The following RHBDD1 variants were observed in gnomAD, a reference collection of about 807,000 sequenced individuals.
RHBDD1 encodes the protein rhomboid domain containing 1.
Under a neutral mutation model 36.3 loss-of-function variants are expected in RHBDD1, and 38 were observed. The observed-to-expected ratio is 1.05, with a 90% confidence interval of 0.81 to 1.37. RHBDD1 has a LOEUF of 1.37. Among genes scored for constraint, RHBDD1 ranks in the 40% most tolerant of loss-of-function variants. The probability of loss-of-function intolerance (pLI) is 0.00; values close to 1 mark genes in which losing one functional copy is unlikely to be tolerated. For missense variants in RHBDD1, 393 were observed against 377.6 expected (o/e 1.04, Z -0.34); for synonymous variants, 151 against 136.5 (o/e 1.11, Z -0.74).
intron 8 of RHBDD1, among the ~76,000 whole-genome samples, chr2:226,947,619 G>T (rs1951076416): frequency 6.6e-6 from 1 of 152,112 alleles, no homozygotes; most frequent in Middle Eastern, 3.4e-3. Context: ...CTTTAAAGTA[G>T]TTTTTTCCAA....
intron 8 of RHBDD1, chr2:226,988,821 G>C (rs1957565242): frequency 1.7e-6 from 1 of 584,664 alleles, no homozygotes; most frequent in Non-Finnish European, 2.2e-6. Flanking sequence ...TAACTACCAA[G>C]GCTGACTTTT....
the RHBDD1 span, among the ~76,000 whole-genome samples, chr2:226,821,421 ATT>A: frequency 2.6e-5 from 4 of 152,064 alleles, no homozygotes; most frequent in Non-Finnish European, 5.9e-5. Flanking sequence ...GTCCACAGTC[ATT>A]GACTTTGTTG....
chr2:226,888,815 A>G (rs79506854), intron 5 of RHBDD1, among the ~76,000 whole-genome samples: 1 of 152,188 alleles, frequency 6.6e-6, no homozygotes, highest in Non-Finnish European at 1.5e-5. Flanking sequence ...GGTATTTTAC[A>G]TGAATAACAA....
At chr2:226,800,947 A>G in the RHBDD1 span, among the ~76,000 whole-genome samples, 5 of 152,268 alleles carry the variant, frequency 3.3e-5, no homozygotes, top group South Asian at 1.0e-3. Context: ...TCTCCCCACA[A>G]ACAAACGCTC....
chr2:226,950,024 A>G (rs144319963), intron 8 of RHBDD1, among the ~76,000 whole-genome samples: 20 of 152,332 alleles, frequency 1.3e-4, no homozygotes, highest in African/African-American at 4.8e-4. Context: ...AAACAACCTA[A>G]TTAACATAAG....
At chr2:226,924,848 C>T (rs1452352662) in intron 8 of RHBDD1, among the ~76,000 whole-genome samples, 1 of 152,226 alleles carries the variant, frequency 6.6e-6, no homozygotes, top group African/African-American at 2.4e-5. Flanking sequence ...TACACAGATT[C>T]TCTGTCTATG....
intron 5 of RHBDD1, among the ~76,000 whole-genome samples, chr2:226,878,509 T>C (rs1163421497): frequency 6.6e-6 from 1 of 152,208 alleles, no homozygotes; most frequent in African/African-American, 2.4e-5. Flanking sequence ...GTTTCTTGCC[T>C]TGTGAGTTGA....
At chr2:226,903,433 C>G (rs556782473) in intron 5 of RHBDD1, among the ~76,000 whole-genome samples, 20 of 152,150 alleles carry the variant, frequency 1.3e-4, no homozygotes, top group African/African-American at 4.8e-4. Flanking sequence ...CACTTAGTAG[C>G]TGTTATGATT....
At chr2:226,978,363 G>T (rs559350064) in intron 8 of RHBDD1, among the ~76,000 whole-genome samples, 13 of 152,266 alleles carry the variant, frequency 8.5e-5, no homozygotes, top group African/African-American at 3.1e-4. Context: ...AGTAGAGAAA[G>T]GTTGGATGGT....
At chr2:226,867,116 C>A in intron 4 of RHBDD1, 70 bp from the exon 5 acceptor site, 1 of 1,411,456 alleles carries the variant, frequency 7.1e-7, no homozygotes, top group Non-Finnish European at 9.7e-7. Flanking sequence ...TTTTAATTAA[C>A]TTTCTTTGTA....
intron 8 of RHBDD1, among the ~76,000 whole-genome samples, chr2:226,932,138 A>G (rs529498807): frequency 6.6e-6 from 1 of 152,154 alleles, no homozygotes; most frequent in South Asian, 2.1e-4. Flanking sequence ...AGACGATTAT[A>G]TAGTTTTTCT....
rs1959173720 is a variant in RHBDD1 at position 226,995,509 on chromosome 2, T to C, written c.935T>C (p.Phe312Ser). The C allele has an allele frequency of 6.2e-7, 1 of 1,610,622 alleles. No homozygotes were observed. Among genetic ancestry groups the C allele is most frequent in the Admixed American group, 1.7e-5 (1 of 59,772 alleles). Residue 312 changes from phenylalanine to serine, a missense_variant, in exon 9 of 9, where the codon TTC becomes TCC. Physicochemically the swap from Phe to Ser is radical, Grantham distance 155 (BLOSUM62 -2). Coordinates refer to ENST00000392062, the MANE Select transcript of RHBDD1 (RefSeq NM_001167608.3). The part of the protein sequence containing the change: ...EEMRRQRLHR[F>S]DSQ ...ATGAGGAGACAGCGGCTTCACAGAT[T>C]CGATAGCCAGTGAGGTGGCATCTTG...
the RHBDD1 span, among the ~76,000 whole-genome samples, chr2:226,811,982 G>C: frequency 2.6e-5 from 4 of 152,294 alleles, no homozygotes; most frequent in East Asian, 7.7e-4. Flanking sequence ...AAGTCTCTAG[G>C]ACTGTCCTAG....
chr2:226,914,422 T>G, intron 8 of RHBDD1, 71 bp downstream of exon 8: 3 of 1,504,912 alleles, frequency 2.0e-6, no homozygotes, highest in Non-Finnish European at 2.7e-6. Flanking sequence ...AAAAGAGCTA[T>G]TTGTAGCAAA....
At chr2:226,964,564 G>T (rs1219872743) in intron 8 of RHBDD1, among the ~76,000 whole-genome samples, 1 of 152,086 alleles carries the variant, frequency 6.6e-6, no homozygotes, top group African/African-American at 2.4e-5. Context: ...TTATATGCTG[G>T]CAACTTCCAA....
chr2:226,903,923 G>A (rs1323171356), intron 5 of RHBDD1, among the ~76,000 whole-genome samples: 5 of 152,066 alleles, frequency 3.3e-5, no homozygotes, highest in Non-Finnish European at 7.4e-5. Context: ...AGTTTACCTG[G>A]ACATGATCGG....
chr2:226,987,824 G>A (rs564958098), intron 8 of RHBDD1, among the ~76,000 whole-genome samples: 1 of 152,316 alleles, frequency 6.6e-6, no homozygotes, highest in African/African-American at 2.4e-5. Flanking sequence ...TGAAGTTCCT[G>A]GGCTCCAACC....
upstream of RHBDD1, among the ~76,000 whole-genome samples, chr2:226,830,802 A>T (rs1205753438): frequency 6.9e-6 from 1 of 144,606 alleles, no homozygotes; most frequent in Non-Finnish European, 1.5e-5. Context: ...CCTCCTGAGT[A>T]GCTGGGACTA....
At chr2:226,950,029 C>T (rs1375411995) in intron 8 of RHBDD1, among the ~76,000 whole-genome samples, 2 of 152,204 alleles carry the variant, frequency 1.3e-5, no homozygotes, top group Non-Finnish European at 2.9e-5. Context: ...ACCTAATTAA[C>T]ATAAGTTACC....
Sources: allele counts gnomAD v4.1 joint callset (sites outside exome capture counted in the v4.1 genomes callset), GRCh38; gene constraint gnomAD v4.1.1; transcripts MANE v1.5; gene names NCBI Gene and HGNC (gene_info 2026-07-23, HGNC 2026-07-21).